The following PCED1B variants were observed in gnomAD, a reference collection of about 807,000 sequenced individuals.
PCED1B encodes the protein PC-esterase domain containing 1B.
For missense variants in PCED1B, 573 were observed against 573.9 expected (o/e 1.00, Z 0.02); for synonymous variants, 251 against 246.1 (o/e 1.02, Z -0.19).
At chr12:47,153,177 G>A (rs554672169) in intron 2 of PCED1B, among the ~76,000 whole-genome samples, 5 of 151,400 alleles carry the variant, frequency 3.3e-5, no homozygotes, top group Admixed American at 3.3e-4. Flanking sequence ...GTGAAACCCT[G>A]TCTCTACTGA....
rs544102289 is a variant in PCED1B at position 47,095,342 on chromosome 12, CT to C, written c.-608-8763del. On this transcript the variant is annotated intron_variant, in intron 1 of 3. Coordinates refer to ENST00000546455, the MANE Select transcript of PCED1B (RefSeq NM_138371.3). Reference sequence around the variant, plus strand: ...ATTGTTGCTTCTTTGAAGCTAATTTCTTTTTTTTCTTCTGGCTGCTTTTATG... The same window carrying C: ...ATTGTTGCTTCTTTGAAGCTAATTTCTTTTTTTCTTCTGGCTGCTTTTATG... 2.0e-4 allele frequency among the ~76,000 whole-genome samples: 31 copies of C among 151,908 alleles called. No homozygotes were observed. In the South Asian group the frequency reaches 6.4e-3, roughly 32 times the overall value.
intron 2 of PCED1B, among the ~76,000 whole-genome samples, chr12:47,126,000 C>A (rs1056483263): frequency 2.0e-5 from 3 of 151,992 alleles, no homozygotes; most frequent in Non-Finnish European, 4.4e-5. Flanking sequence ...TCAAAAATCA[C>A]ATTTTTTTCT....
chr12:47,228,210 AT>A (rs1431167939), intron 3 of PCED1B, among the ~76,000 whole-genome samples: 1 of 151,574 alleles, frequency 6.6e-6, no homozygotes. Context: ...AATTTTTAGT[AT>A]TTCTTGTAGA....
intron 2 of PCED1B, among the ~76,000 whole-genome samples, chr12:47,171,326 CA>C (rs1178661019): frequency 6.6e-6 from 1 of 152,164 alleles, no homozygotes; most frequent in Non-Finnish European, 1.5e-5. Flanking sequence ...CTTGCCCTCC[CA>C]AAGTGCTGGG....
At chr12:47,191,277 C>A (rs528232694) in intron 2 of PCED1B, among the ~76,000 whole-genome samples, 1 of 152,256 alleles carries the variant, frequency 6.6e-6, no homozygotes, top group African/African-American at 2.4e-5. Flanking sequence ...ACCCTAAAGC[C>A]CTGAGCTGTC....
intron 2 of PCED1B, among the ~76,000 whole-genome samples, chr12:47,113,772 G>A (rs1303174059): frequency 6.6e-6 from 1 of 151,988 alleles, no homozygotes; most frequent in Non-Finnish European, 1.5e-5. Flanking sequence ...CACTTTGGGA[G>A]GCCAAAGCAG....
chr12:47,146,980 A>C (rs1373836896), intron 2 of PCED1B, among the ~76,000 whole-genome samples: 12 of 144,276 alleles, frequency 8.3e-5, no homozygotes, highest in Non-Finnish European at 1.7e-4. Flanking sequence ...ATTTCTTTAG[A>C]TATCCTAGTT....
intron 2 of PCED1B, among the ~76,000 whole-genome samples, chr12:47,140,895 C>A (rs1027822408): frequency 1.3e-5 from 2 of 152,298 alleles, no homozygotes; most frequent in East Asian, 3.9e-4. Flanking sequence ...ACAAAACCTT[C>A]TTAGGTAAGA....
intron 2 of PCED1B, among the ~76,000 whole-genome samples, chr12:47,132,894 G>A (rs1022978971): frequency 6.6e-6 from 1 of 152,166 alleles, no homozygotes; most frequent in East Asian, 1.9e-4. Flanking sequence ...TTTTGTTAAA[G>A]ATTATCATTC....
intron 2 of PCED1B, among the ~76,000 whole-genome samples, chr12:47,163,126 A>G (rs1941440158): frequency 6.6e-6 from 1 of 152,110 alleles, no homozygotes; most frequent in South Asian, 2.1e-4. Context: ...TGTAGTTTTC[A>G]ATATTTACAT....
intron 2 of PCED1B, among the ~76,000 whole-genome samples, chr12:47,154,306 C>G (rs901089683): frequency 1.3e-5 from 2 of 152,132 alleles, no homozygotes; most frequent in Non-Finnish European, 2.9e-5. Flanking sequence ...CTATGACTTC[C>G]TTATGAGCAC....
intron 2 of PCED1B, among the ~76,000 whole-genome samples, chr12:47,133,874 G>A (rs1002281432): frequency 1.4e-4 from 21 of 152,134 alleles, no homozygotes; most frequent in African/African-American, 5.1e-4. Flanking sequence ...TCATGAATGG[G>A]ATTAGTGCCC....
At chr12:47,171,630 T>C (rs1941738409) in intron 2 of PCED1B, among the ~76,000 whole-genome samples, 1 of 152,200 alleles carries the variant, frequency 6.6e-6, no homozygotes, top group African/African-American at 2.4e-5. Context: ...TTTCTATGAA[T>C]TCTTGCATAG....
chr12:47,107,808 T>C (rs1939022542), intron 2 of PCED1B, among the ~76,000 whole-genome samples: 1 of 152,104 alleles, frequency 6.6e-6, no homozygotes, highest in Admixed American at 6.5e-5. Flanking sequence ...AGGAGGAAAG[T>C]GGTAGAAAAG....
At chr12:47,180,638 A>G (rs968965868) in intron 2 of PCED1B, among the ~76,000 whole-genome samples, 4 of 152,252 alleles carry the variant, frequency 2.6e-5, no homozygotes, top group Admixed American at 2.0e-4. Context: ...CGCAAAAGAA[A>G]CCATCATTAG....
At position 47,217,470 on chromosome 12, in the gene PCED1B, GAGAAAGAAAGAAAGAAAGAA is replaced by G. The variant is rs200992609; in HGVS notation, c.-58+810_-58+829del. The stretch of plus-strand genomic sequence containing the variant: ...AAAGAAAGAAAGAAAAAGAAAGAAA[GAGAAAGAAAGAAAGAAAGAA>G]AGAAAGAAAGAAAGAAAGAAAGAAA... On this transcript the variant is annotated intron_variant, in intron 3 of 3. Transcript: ENST00000546455. Among the ~76,000 whole-genome samples, 83 of 90,918 alleles carry G rather than the reference GAGAAAGAAAGAAAGAAAGAA, an allele frequency of 9.1e-4. 6 individuals carry two copies. The highest frequency in any genetic ancestry group is 3.3e-3 in the African/African-American group (67 of 20,146). 59.6% of individuals were successfully genotyped at this position (90,918 alleles called of 152,430 possible). A position where few individuals can be genotyped will look rare whatever the true frequency, so the allele number is the denominator to read the frequency against.
intron 3 of PCED1B, among the ~76,000 whole-genome samples, chr12:47,232,993 G>A (rs1042032704): frequency 1.3e-5 from 2 of 151,862 alleles, no homozygotes; most frequent in African/African-American, 4.8e-5. Context: ...CGGGAGTGAA[G>A]TAGCTGGAAC....
chr12:47,133,361 C>T (rs1940211059), intron 2 of PCED1B, among the ~76,000 whole-genome samples: 1 of 152,134 alleles, frequency 6.6e-6, no homozygotes, highest in Admixed American at 6.5e-5. Flanking sequence ...GATGTGGCAT[C>T]CCTTGTCCAG....
At chr12:47,112,956 T>A (rs1939263357) in intron 2 of PCED1B, among the ~76,000 whole-genome samples, 1 of 152,200 alleles carries the variant, frequency 6.6e-6, no homozygotes, top group African/African-American at 2.4e-5. Flanking sequence ...CAAATGGAAT[T>A]TCCTTTCCTT....
Sources: allele counts gnomAD v4.1 joint callset (sites outside exome capture counted in the v4.1 genomes callset), GRCh38; gene constraint gnomAD v4.1.1; transcripts MANE v1.5; gene names NCBI Gene and HGNC (gene_info 2026-07-23, HGNC 2026-07-21).